The following SPATA13 variants were observed in gnomAD, a reference collection of about 807,000 sequenced individuals.
SPATA13 encodes the protein spermatogenesis-associated protein 13.
In SPATA13, 50 loss-of-function variants were observed where a neutral mutation model predicts 104.0. The ratio of observed to expected loss-of-function variants is 0.48; its 90% CI spans 0.38 to 0.61. The LOEUF is 0.61. Ranked by LOEUF, SPATA13 falls within the 20% of genes least tolerant of loss-of-function variation. The pLI, the probability that SPATA13 is intolerant of heterozygous loss-of-function variation, is 0.00. For missense variants in SPATA13, 1,524 were observed against 1,690.6 expected (o/e 0.90, Z 1.73); for synonymous variants, 606 against 667.5 (o/e 0.91, Z 1.42).
At chr13:24,096,492 G>A (rs1380518822) in intron 3 of SPATA13, among the ~76,000 whole-genome samples, 4 of 152,172 alleles carry the variant, frequency 2.6e-5, no homozygotes, top group Non-Finnish European at 5.9e-5. Flanking sequence ...CAAGCTACTC[G>A]GGAGGCTGAG....
chr13:24,121,164 C>T (rs1042200473), intron 3 of SPATA13, among the ~76,000 whole-genome samples: 1 of 152,062 alleles, frequency 6.6e-6, no homozygotes, highest in Non-Finnish European at 1.5e-5. Context: ...ACAGTAAGGT[C>T]TGGTATTCAA....
In SPATA13 at chr13:24,031,407, TGA is replaced by T. The variant is rs1877475968; in HGVS notation, c.-112+13714_-112+13715del. ...AGACTTCCAATGTATTAGTTCACAATGAGAGAGAGTCCTTTTCGGTAACTTGT... is the reference window on the plus strand; with the variant it reads ...AGACTTCCAATGTATTAGTTCACAATGAGAGAGTCCTTTTCGGTAACTTGT... On this transcript the variant is annotated intron_variant, in intron 3 of 14. Coordinates refer to the SPATA13 transcript ENST00000424834. Among the ~76,000 whole-genome samples, 3 of 152,370 alleles carry T rather than the reference TGA, an allele frequency of 2.0e-5. No individual in the cohort carries two copies. In the South Asian group the frequency reaches 6.2e-4, roughly 32 times the overall value.
intron 3 of SPATA13, among the ~76,000 whole-genome samples, chr13:24,043,223 C>T (rs1234233735): frequency 6.6e-6 from 1 of 152,192 alleles, no homozygotes; most frequent in Non-Finnish European, 1.5e-5. Flanking sequence ...TCGCCTTGGA[C>T]ATGCGTCTTG....
At chr13:24,004,543 G>A (rs985378821) in intron 2 of SPATA13, among the ~76,000 whole-genome samples, 2 of 152,170 alleles carry the variant, frequency 1.3e-5, no homozygotes, top group Non-Finnish European at 2.9e-5. Context: ...GGAGGGTAGG[G>A]CTGCCCCCTT....
chr13:24,001,939 G>A (rs963935621), intron 2 of SPATA13, among the ~76,000 whole-genome samples: 8 of 151,952 alleles, frequency 5.3e-5, no homozygotes, highest in Non-Finnish European at 1.2e-4. Flanking sequence ...GACATGGGAG[G>A]TGAGGAGGAG....
At chr13:24,226,643 C>G (rs1871956834) in intron 2 of SPATA13, among the ~76,000 whole-genome samples, 1 of 152,196 alleles carries the variant, frequency 6.6e-6, no homozygotes, top group Non-Finnish European at 1.5e-5. Context: ...ATAGATGGTG[C>G]TTGCCATAGA....
At chr13:24,074,323 T>C (rs996157922) in intron 3 of SPATA13, among the ~76,000 whole-genome samples, 1 of 152,272 alleles carries the variant, frequency 6.6e-6, no homozygotes, top group African/African-American at 2.4e-5. Context: ...CGTGGTAGCA[T>C]GTGCTAGGAT....
intron 3 of SPATA13, among the ~76,000 whole-genome samples, chr13:24,096,017 G>A (rs1880066654): frequency 6.6e-6 from 1 of 152,194 alleles, no homozygotes. Context: ...GGCTGCCTGG[G>A]TCACTTCCCA....
At chr13:24,174,553 T>C (rs375933961) in intron 1 of SPATA13, among the ~76,000 whole-genome samples, 22 of 152,248 alleles carry the variant, frequency 1.4e-4, no homozygotes, top group African/African-American at 5.3e-4. Context: ...AAATATATGA[T>C]TAAAAATTTC....
intron 1 of SPATA13, among the ~76,000 whole-genome samples, chr13:24,216,935 C>T (rs1871285830): frequency 6.6e-6 from 1 of 152,160 alleles, no homozygotes; most frequent in Admixed American, 6.5e-5. Flanking sequence ...CCTGCAATCT[C>T]AGATACTTGG....
At chr13:24,211,585 G>A (rs142339402) in intron 1 of SPATA13, among the ~76,000 whole-genome samples, 1 of 152,222 alleles carries the variant, frequency 6.6e-6, no homozygotes, top group African/African-American at 2.4e-5. Context: ...TTAGTAAGGT[G>A]CATCTCCGTT....
intron 3 of SPATA13, among the ~76,000 whole-genome samples, chr13:24,141,132 C>T (rs1881747488): frequency 6.6e-6 from 1 of 150,878 alleles, no homozygotes; most frequent in African/African-American, 2.4e-5. Flanking sequence ...CAAGATCATA[C>T]CACTGCACTC....
chr13:24,221,224 A>G (rs987957330), intron 1 of SPATA13, among the ~76,000 whole-genome samples: 3 of 152,176 alleles, frequency 2.0e-5, no homozygotes, highest in Non-Finnish European at 2.9e-5. Flanking sequence ...CTGAGTATCC[A>G]TCTGGTTGTC....
rs1400345471 is a variant in SPATA13 at position 24,223,969 on chromosome 13, C to A, written c.1040C>A (p.Ala347Asp). The change falls in exon 2 of 13, where the codon GCC becomes GAC. Residue 347 changes from alanine (A) to aspartate (D), a missense_variant. Around this residue, in one of 2 missense-constraint regions of SPATA13, gnomAD observed 1,089 missense variants for 1,135.9 expected, o/e 0.96. Transcript: ENST00000382108. ...AGTGGGGCCCCATCCCCTGGAGAGG[C>A]CAGCCTGAGACTTCAGGCACACAGC... is the stretch of plus-strand genomic sequence containing the variant. ...PRSGAPSPGE[A>D]SLRLQAHSRL... is the part of the protein sequence containing the mutation. 1.3e-6 allele frequency: 2 copies of A among 1,549,138 alleles called. No individual in the cohort carries two copies. Among genetic ancestry groups the A allele is most frequent in the Admixed American group, 3.9e-5 (2 of 50,910 alleles).
At chr13:24,133,119 A>G (rs1881441365) in intron 3 of SPATA13, among the ~76,000 whole-genome samples, 1 of 152,220 alleles carries the variant, frequency 6.6e-6, no homozygotes, top group African/African-American at 2.4e-5. Flanking sequence ...AGGTGGGTCC[A>G]GCAGCAGATG....
In SPATA13 at chr13:24,194,083, G is replaced by A. The variant is rs116021763; in HGVS notation, c.-111-28736G>A. On this transcript the variant is annotated intron_variant, in intron 1 of 12. Transcript: ENST00000382108. ...GGTTCAGTAGCCGAGTCTGTGGTGG[G>A]CACCTCATTGATCTTTGCTGCTTTA... Among the ~76,000 whole-genome samples the A allele has an allele frequency of 3.1e-3, 466 of 152,252 alleles. 4 individuals are homozygous for A. The highest frequency in any genetic ancestry group is 0.011 in the African/African-American group (451 of 41,530).
intron 3 of SPATA13, among the ~76,000 whole-genome samples, chr13:24,096,388 G>T (rs575495637): frequency 1.5e-4 from 23 of 152,234 alleles, no homozygotes; most frequent in African/African-American, 5.5e-4. Flanking sequence ...CTGAGGTCAG[G>T]GGTTCGAGAC....
At chr13:24,265,098 G>A (rs932492094) in intron 4 of SPATA13, among the ~76,000 whole-genome samples, 7 of 152,206 alleles carry the variant, frequency 4.6e-5, no homozygotes, top group Non-Finnish European at 8.8e-5. Context: ...GAAGCAGGCC[G>A]GGGCGAGTCT....
intron 3 of SPATA13, among the ~76,000 whole-genome samples, chr13:24,087,949 G>A (rs915665686): frequency 6.6e-6 from 1 of 152,224 alleles, no homozygotes; most frequent in African/African-American, 2.4e-5. Flanking sequence ...AGCCAGCCCA[G>A]CTCTTCCAGC....
Sources: allele counts gnomAD v4.1 joint callset (sites outside exome capture counted in the v4.1 genomes callset), GRCh38; gene constraint gnomAD v4.1.1; regional missense constraint gnomAD v4.1.1; transcripts MANE v1.5; gene names NCBI Gene and HGNC (gene_info 2026-07-23, HGNC 2026-07-21).